Variants in WWP2 observed in about 807,000 individuals in gnomAD.
The protein encoded by WWP2 is WW domain containing E3 ubiquitin protein ligase 2.
WWP2 carries 57 observed loss-of-function variants against 121.0 expected under a neutral mutation model. The ratio of observed to expected loss-of-function variants is 0.47; its 90% CI spans 0.38 to 0.59. The LOEUF (loss-of-function observed/expected upper bound fraction) is 0.59. Ranked by LOEUF, WWP2 falls within the 20% of genes least tolerant of loss-of-function variation. The pLI is 0.00. For synonymous variants in WWP2, 449 were observed against 441.3 expected (o/e 1.02, Z -0.22); for missense variants, 962 against 1,158.9 (o/e 0.83, Z 2.47).
At position 69,798,809 on chromosome 16, in the gene WWP2, C is replaced by T. The variant is rs990327778; in HGVS notation, c.198C>T (p.Leu66=). ...AGCGCATTGGGAGCTCTGAGCTTCTCTGGAATGAGATCATCATTTTGTAAG... is the reference window on the plus strand; with the variant it reads ...AGCGCATTGGGAGCTCTGAGCTTCTTTGGAATGAGATCATCATTTTGTAAG... ...TGKRIGSSEL[L]WNEIIILNVT... Residue 66 remains leucine (L), a synonymous_variant, in exon 3 of 24, where the codon CTC becomes CTT. Coordinates refer to ENST00000359154, the MANE Select transcript of WWP2 (RefSeq NM_001270454.2). The T allele has an allele frequency of 2.5e-6, 4 of 1,613,916 alleles. No homozygotes were observed. The highest frequency in any genetic ancestry group is 3.4e-6 in the Non-Finnish European group (4 of 1,179,990).
At chr16:69,781,814 A>G (rs1379213650) in intron 1 of WWP2, among the ~76,000 whole-genome samples, 1 of 151,998 alleles carries the variant, frequency 6.6e-6, no homozygotes, top group African/African-American at 2.4e-5. Context: ...GGGCCTTTGT[A>G]CTCCACATCC....
intron 19 of WWP2, chr16:69,936,661 CT>C: frequency 3.0e-6 from 2 of 662,246 alleles, no homozygotes; most frequent in Non-Finnish European, 5.0e-6. Flanking sequence ...CCCAGCTGTG[CT>C]TTTTCGCCAT....
Position 69,935,297 on chromosome 16 carries a change from G to A in WWP2, c.1843-556G>A, listed in dbSNP as rs2058780052. On this transcript the variant is annotated intron_variant, in intron 17 of 23. Transcript: ENST00000359154. The surrounding 1 kb of genome is among the most constrained non-coding windows in gnomAD (Gnocchi z 5.2). ...CCATCGTCGAGGAGTTCTTGGCCAA[G>A]GTGCTGGGCTCTGGAAATGGGCACA... Among the ~76,000 whole-genome samples, 1 of 152,224 alleles carries A rather than the reference G, an allele frequency of 6.6e-6. No homozygotes were observed. Among genetic ancestry groups the A allele is most frequent in the African/African-American group, 2.4e-5 (1 of 41,454 alleles).
At chr16:69,882,195 A>G (rs2057843405) in intron 7 of WWP2, among the ~76,000 whole-genome samples, 1 of 152,050 alleles carries the variant, frequency 6.6e-6, no homozygotes, top group South Asian at 2.1e-4. Context: ...ACCTCAGGTG[A>G]TTCACTTGCC....
At chr16:69,787,651 C>T (rs1195760950) in intron 2 of WWP2, among the ~76,000 whole-genome samples, 1 of 152,196 alleles carries the variant, frequency 6.6e-6, no homozygotes, top group African/African-American at 2.4e-5. Flanking sequence ...CCCTAGGGCT[C>T]GTTGCTACCT....
intron 6 of WWP2, among the ~76,000 whole-genome samples, chr16:69,856,375 G>T (rs1476190007): frequency 6.6e-6 from 1 of 152,190 alleles, no homozygotes; most frequent in Non-Finnish European, 1.5e-5. Context: ...CAGTTGTGGT[G>T]ATGGTAACAC....
intron 9 of WWP2, chr16:69,909,149 C>T (rs563393855): frequency 1.0e-4 from 107 of 1,070,046 alleles, no homozygotes; most frequent in African/African-American, 3.5e-4. Context: ...GCTTCTTATT[C>T]GGCAGGGCTT....
At chr16:69,930,983 T>C (rs2058702007) in intron 13 of WWP2, among the ~76,000 whole-genome samples, 169 bp from the exon 14 acceptor site, 2 of 152,230 alleles carry the variant, frequency 1.3e-5, no homozygotes, top group Admixed American at 1.3e-4. Context: ...TGGCTTTATT[T>C]CTAGATTTTC....
intron 4 of WWP2, among the ~76,000 whole-genome samples, chr16:69,811,583 A>G (rs897389461): frequency 1.3e-5 from 2 of 152,032 alleles, no homozygotes; most frequent in Non-Finnish European, 2.9e-5. Flanking sequence ...CACAGTCTCT[A>G]CAAAAATAAA....
intron 6 of WWP2, among the ~76,000 whole-genome samples, chr16:69,869,889 C>G (rs1490466250): frequency 1.3e-5 from 2 of 152,160 alleles, no homozygotes; most frequent in Admixed American, 1.3e-4. Context: ...ACCAAAGACT[C>G]CCAGCAGGGT....
At chr16:69,936,647 G>A (rs1005767940) in intron 19 of WWP2, 195 bp downstream of exon 19, 10 of 714,846 alleles carry the variant, frequency 1.4e-5, no homozygotes, top group African/African-American at 9.0e-5. Context: ...CTTAGTTACC[G>A]ACTCCCAGCT....
intron 1 of WWP2, among the ~76,000 whole-genome samples, chr16:69,780,589 G>T (rs2055643405): frequency 1.3e-5 from 2 of 152,188 alleles, no homozygotes; most frequent in African/African-American, 4.8e-5. Context: ...CCACAGGCAT[G>T]TGAGACTTCT....
intron 9 of WWP2, among the ~76,000 whole-genome samples, chr16:69,912,735 T>TG (rs1172364957): frequency 6.6e-6 from 1 of 150,814 alleles, no homozygotes; most frequent in Non-Finnish European, 1.5e-5. Context: ...AGTGTTTTAG[T>TG]GGCTCACTGT....
chr16:69,934,077 T>TCAACCCGGA lies in WWP2; in HGVS notation c.1792_1800dup (p.Asn598_Asp600dup). On this transcript the variant is annotated inframe_insertion, in exon 17 of 24. Transcript: ENST00000359154. ...CTGCAGATCAACCCCGCCTCCTCCATCAACCCGGACCACCTCACCTACTTT... is the reference window on the plus strand; with the variant it reads ...CTGCAGATCAACCCCGCCTCCTCCATCAACCCGGACAACCCGGACCACCTCACCTACTTT... The TCAACCCGGA allele has an allele frequency of 6.2e-7, 1 of 1,614,126 alleles. No individual in the cohort carries two copies. The highest frequency in any genetic ancestry group is 8.5e-7 in the Non-Finnish European group (1 of 1,179,986).
At position 69,849,438 on chromosome 16, in the gene WWP2, T is replaced by G. The variant is rs74027208; in HGVS notation, c.575+7318T>G. ...AAATCTGGGTATTGCCTCATTTCTGTTGCTGGGGAAGACAATGGAATAAGT... is the reference window on the plus strand; with the variant it reads ...AAATCTGGGTATTGCCTCATTTCTGGTGCTGGGGAAGACAATGGAATAAGT... On this transcript the variant is annotated intron_variant, in intron 6 of 23. Transcript: ENST00000359154. 5.8e-3 allele frequency among the ~76,000 whole-genome samples: 883 copies of G among 152,344 alleles called. 11 individuals are homozygous for G. Among genetic ancestry groups the G allele is most frequent in the African/African-American group, 0.02 (843 of 41,576 alleles).
At chr16:69,830,850 T>A (rs1362059644) in intron 4 of WWP2, among the ~76,000 whole-genome samples, 1 of 152,138 alleles carries the variant, frequency 6.6e-6, no homozygotes, top group African/African-American at 2.4e-5. Flanking sequence ...AGACCTGGGG[T>A]GGACTCCAGC....
chr16:69,807,545 G>A (rs1457321843), intron 4 of WWP2, among the ~76,000 whole-genome samples: 1 of 145,134 alleles, frequency 6.9e-6, no homozygotes, highest in East Asian at 2.0e-4. Context: ...CTTGAGCCCA[G>A]GAGGCTGAGG....
At chr16:69,823,108 G>A (rs1366064361) in intron 4 of WWP2, among the ~76,000 whole-genome samples, 1 of 152,130 alleles carries the variant, frequency 6.6e-6, no homozygotes, top group Non-Finnish European at 1.5e-5. Context: ...TCCAGCCTGC[G>A]CAACAGAGCG....
intron 4 of WWP2, among the ~76,000 whole-genome samples, chr16:69,801,235 T>C (rs1431072473): frequency 6.7e-6 from 1 of 149,178 alleles, no homozygotes; most frequent in Non-Finnish European, 1.5e-5. Flanking sequence ...TATTTTTATA[T>C]ATATATATTT....
Sources: allele counts gnomAD v4.1 joint callset (sites outside exome capture counted in the v4.1 genomes callset), GRCh38; gene constraint gnomAD v4.1.1; non-coding constraint Gnocchi (gnomAD v3.1); transcripts MANE v1.5; gene names NCBI Gene and HGNC (gene_info 2026-07-23, HGNC 2026-07-21).